ZBBX: variants seen among roughly 807,000 people sequenced by gnomAD.
ZBBX encodes zinc finger B-box domain containing.
In ZBBX, 101 loss-of-function variants were observed where a neutral mutation model predicts 108.5. The observed-to-expected ratio is 0.93, with a 90% confidence interval of 0.79 to 1.10. The LOEUF (loss-of-function observed/expected upper bound fraction) is 1.10. Ranked by LOEUF, ZBBX falls within the 50% of genes least tolerant of loss-of-function variation. The pLI is 0.00. For missense variants in ZBBX, 1,009 were observed against 941.4 expected, an observed-to-expected ratio of 1.07 and a Z score of -0.94; for synonymous variants, 356 against 323.4, an observed-to-expected ratio of 1.10 and a Z score of -1.08.
the ZBBX span, among the ~76,000 whole-genome samples, chr3:167,180,816 C>T: frequency 1.3e-5 from 2 of 152,182 alleles, no homozygotes; most frequent in Non-Finnish European, 2.9e-5. Context: ...CTATTAAAGG[C>T]CAATTTTTTG....
At chr3:167,284,603 G>A (rs73042101) in intron 19 of ZBBX, among the ~76,000 whole-genome samples, 1,970 of 152,224 alleles carry the variant, frequency 0.013, 48 homozygotes, top group African/African-American at 0.045. Flanking sequence ...AAATCTAGAA[G>A]AGTACGAACA....
the ZBBX span, among the ~76,000 whole-genome samples, chr3:167,228,149 T>C: frequency 4.0e-5 from 6 of 151,880 alleles, no homozygotes; most frequent in African/African-American, 1.4e-4. Context: ...CTTTCATTTG[T>C]TCAGCTTCCT....
intron 16 of ZBBX, among the ~76,000 whole-genome samples, chr3:167,308,637 C>T (rs1483281589): frequency 6.6e-6 from 1 of 152,050 alleles, no homozygotes; most frequent in Non-Finnish European, 1.5e-5. Flanking sequence ...AAAACAAGAT[C>T]ATGTACTTTG....
chr3:167,397,215 G>A (rs1748267660), intron 1 of ZBBX, among the ~76,000 whole-genome samples: 3 of 137,686 alleles, frequency 2.2e-5, no homozygotes, highest in South Asian at 2.3e-4. Context: ...ATTTGTCTTC[G>A]CTGACTGCAT....
chr3:167,183,764 C>T, the ZBBX span, among the ~76,000 whole-genome samples: 19 of 152,162 alleles, frequency 1.2e-4, no homozygotes, highest in Non-Finnish European at 1.5e-4. Flanking sequence ...GCCAGGTGTT[C>T]CTTGCCCTCA....
chr3:167,363,593 T>A (rs537733456), intron 6 of ZBBX, among the ~76,000 whole-genome samples: 2 of 150,640 alleles, frequency 1.3e-5, no homozygotes, highest in African/African-American at 4.8e-5. Context: ...ACCCAGCAAC[T>A]GGCACCTCTT....
At chr3:167,286,359 A>G (rs1729701748) in intron 19 of ZBBX, among the ~76,000 whole-genome samples, 1 of 152,128 alleles carries the variant, frequency 6.6e-6, no homozygotes, top group African/African-American at 2.4e-5. Flanking sequence ...ATAGGGATCC[A>G]TGGAATGCTT....
upstream of ZBBX, among the ~76,000 whole-genome samples, chr3:167,380,920 TCTCAA>T (rs1452657699): frequency 3.5e-5 from 5 of 143,756 alleles, no homozygotes; most frequent in East Asian, 4.4e-4. Context: ...AACCCACAAT[TCTCAA>T]CTCAACTCTT....
the ZBBX span, among the ~76,000 whole-genome samples, chr3:167,183,062 C>T: frequency 6.6e-6 from 1 of 152,164 alleles, no homozygotes; most frequent in African/African-American, 2.4e-5. Flanking sequence ...AAAGAAAGAT[C>T]TGGAGGGTTA....
chr3:167,252,250 C>A, intron 20 of ZBBX: 1 of 1,127,510 alleles, frequency 8.9e-7, no homozygotes, highest in Non-Finnish European at 1.2e-6. Context: ...GGTTGCTGTA[C>A]ACAATAATGC....
chr3:167,384,761 G>T (rs1270470011), upstream of ZBBX, among the ~76,000 whole-genome samples: 1 of 151,980 alleles, frequency 6.6e-6, no homozygotes, highest in African/African-American at 2.4e-5. Flanking sequence ...TTACTGCAGG[G>T]TCTCTGCAAA....
At chr3:167,182,969 C>T in the ZBBX span, among the ~76,000 whole-genome samples, 1 of 152,150 alleles carries the variant, frequency 6.6e-6, no homozygotes, top group African/African-American at 2.4e-5. Flanking sequence ...TGAATTCCTG[C>T]CCGAATAGAA....
In ZBBX at chr3:167,322,206, AT is replaced by A; in HGVS notation, c.893del (p.Asn298IlefsTer2). ...TAAGTGGTTCTCTCCAAATTTTCAG[AT>A]TAGTCTGTACTTCGCATTCTTCCAA... ...DSLEECEVQTNLKIWREPLNI... is the reference protein window; with the variant it reads ...DSLEECEVQTXLKIWREPLNI... On this transcript the variant is annotated frameshift_variant, in exon 12 of 22. Coordinates refer to ENST00000675490, the MANE Select transcript of ZBBX (RefSeq NM_001199201.2). LOFTEE classifies it high-confidence loss of function. 1 of 1,482,160 alleles carries A rather than the reference AT, an allele frequency of 6.7e-7. No individual in the cohort carries two copies. The allele number at this position is 1,482,160 out of a possible 1,614,324, so 91.8% of individuals were successfully genotyped here. A position where few individuals can be genotyped will look rare whatever the true frequency, so the allele number is the denominator to read the frequency against.
At chr3:167,282,176 A>G in intron 20 of ZBBX, 62 bp downstream of exon 20, 4 of 1,495,638 alleles carry the variant, frequency 2.7e-6, no homozygotes, top group Non-Finnish European at 3.6e-6. Flanking sequence ...CAAGATATGA[A>G]GAATCCGGCT....
chr3:167,268,632 T>A (rs73879644), intron 20 of ZBBX, among the ~76,000 whole-genome samples: 2,626 of 152,250 alleles, frequency 0.017, 75 homozygotes, highest in African/African-American at 0.06. Context: ...TATTCAGGCC[T>A]AAACTTAGAA....
chr3:167,394,954 T>C (rs1356325056), intron 1 of ZBBX, among the ~76,000 whole-genome samples: 1 of 152,048 alleles, frequency 6.6e-6, no homozygotes, highest in Non-Finnish European at 1.5e-5. Context: ...TAGCTCTGTC[T>C]TGTGAGCCAT....
At chr3:167,361,366 A>C (rs1355068257) in intron 6 of ZBBX, among the ~76,000 whole-genome samples, 1 of 152,180 alleles carries the variant, frequency 6.6e-6, no homozygotes, top group African/African-American at 2.4e-5. Context: ...TTGCCAATTG[A>C]ACATGCTTGC....
chr3:167,325,763 C>T (rs149263579), intron 11 of ZBBX, among the ~76,000 whole-genome samples: 112 of 152,200 alleles, frequency 7.4e-4, no homozygotes, highest in African/African-American at 2.6e-3. Flanking sequence ...ATATGTAAAA[C>T]ATTACTTGTG....
intron 19 of ZBBX, 27 bp downstream of exon 19, chr3:167,288,840 G>T: frequency 6.8e-7 from 1 of 1,466,722 alleles, no homozygotes. Flanking sequence ...TGCCAACATG[G>T]CACTGCTGCC....
Sources: gnomAD v4.1 joint callset for allele counts (sites outside exome capture counted in the v4.1 genomes callset) on GRCh38, gnomAD v4.1.1 for gene constraint, MANE v1.5 for transcripts, NCBI Gene and HGNC (gene_info 2026-07-23, HGNC 2026-07-21) for gene names.